ITGAE: variants seen among roughly 807,000 people sequenced by gnomAD.
ITGAE encodes the protein integrin alpha-E.
A neutral mutation model predicts 136.5 loss-of-function variants in ITGAE; 99 were observed. The ratio of observed to expected loss-of-function variants is 0.73; its 90% CI spans 0.62 to 0.86. The LOEUF is 0.86. Ranked by LOEUF, ITGAE falls within the 40% of genes least tolerant of loss-of-function variation. ITGAE has a pLI of 0.00. For synonymous variants in ITGAE, 613 were observed against 591.8 expected (o/e 1.04, Z -0.52); for missense variants, 1,447 against 1,515.3 (o/e 0.95, Z 0.75).
At position 3,734,937 on chromosome 17, in the gene ITGAE, C is replaced by G. The variant is rs1395882264; in HGVS notation, c.2535G>C (p.Val845=). 2 of 1,614,166 alleles carry G rather than the reference C, an allele frequency of 1.2e-6. No individual in the cohort carries two copies. Among genetic ancestry groups the G allele is most frequent in the Non-Finnish European group, 1.7e-6 (2 of 1,180,018 alleles). The change falls in exon 21 of 31, where the codon GTG becomes GTC. Residue 845 remains valine (V), a synonymous_variant. Transcript: ENST00000263087. ...GGGTCAGCTCCTTTGTGAGACCCAC[C>G]ACCAACTCCTGCCTGCACAGGGTAC... ...LATTVSQQEL[V]VGLTKELTLN... is the part of the protein sequence containing the mutation.
intron 1 of ITGAE, among the ~76,000 whole-genome samples, chr17:3,781,837 T>A (rs1056686569): frequency 2.6e-5 from 4 of 152,150 alleles, no homozygotes; most frequent in Non-Finnish European, 5.9e-5. Context: ...AGAATTCACA[T>A]GCACATTTGG....
At chr17:3,800,722 C>A in intron 1 of ITGAE, among the ~76,000 whole-genome samples, 1 of 152,196 alleles carries the variant, frequency 6.6e-6, no homozygotes, top group Non-Finnish European at 1.5e-5. Flanking sequence ...CCAACCCCTG[C>A]TCTGTAACAG....
intron 9 of ITGAE, 93 bp from the exon 10 acceptor site, chr17:3,757,227 C>T: frequency 2.1e-6 from 3 of 1,397,206 alleles, no homozygotes; most frequent in Non-Finnish European, 3.0e-6. Context: ...CTCTGGGGCC[C>T]TCCATTACCT....
chr17:3,728,983 C>T (rs958484074), intron 24 of ITGAE, among the ~76,000 whole-genome samples: 6 of 151,278 alleles, frequency 4.0e-5, no homozygotes, highest in Non-Finnish European at 8.8e-5. Context: ...TTGCAGTGAG[C>T]CGAGATGGCA....
At chr17:3,779,166 G>A (rs1027209958) in intron 1 of ITGAE, among the ~76,000 whole-genome samples, 4 of 152,132 alleles carry the variant, frequency 2.6e-5, no homozygotes, top group Admixed American at 2.6e-4. Context: ...TTACCAAGGT[G>A]TGCATGTGTC....
intron 16 of ITGAE, among the ~76,000 whole-genome samples, chr17:3,748,986 G>A (rs2051791211): frequency 6.6e-6 from 1 of 152,188 alleles, no homozygotes; most frequent in Non-Finnish European, 1.5e-5. Context: ...GGCTGCTGCT[G>A]TGTGGAGAAT....
chr17:3,747,854 G>T, intron 17 of ITGAE, 68 bp downstream of exon 17: 4 of 1,099,916 alleles, frequency 3.6e-6, no homozygotes, highest in African/African-American at 1.8e-5. Context: ...CTCTTTCCCT[G>T]CCCCTTACAG....
rs2143554927 is a variant in ITGAE at position 3,798,110 on chromosome 17, G to A, written c.34+3001C>T. On this transcript the variant is annotated intron_variant, in intron 1 of 30. Transcript: ENST00000263087. The surrounding 1 kb of genome is among the most constrained non-coding windows in gnomAD (Gnocchi z 4.3). ...TCCCAGAGAAGGGCAGGGATGTGGG[G>A]CTCCCACACGGCCCACACTCCCCCA... Among the ~76,000 whole-genome samples the A allele has an allele frequency of 6.6e-6, 1 of 152,230 alleles. No individual in the cohort carries two copies. Among genetic ancestry groups the A allele is most frequent in the Admixed American group, 6.5e-5 (1 of 15,298 alleles).
chr17:3,793,373 G>C (rs1032018149), intron 1 of ITGAE, among the ~76,000 whole-genome samples: 5 of 151,616 alleles, frequency 3.3e-5, no homozygotes, highest in African/African-American at 9.7e-5. Flanking sequence ...TTTTGAGTTG[G>C]AGTCTCACTC....
intron 1 of ITGAE, among the ~76,000 whole-genome samples, chr17:3,779,002 T>C (rs1489389930): frequency 6.6e-6 from 1 of 152,064 alleles, no homozygotes; most frequent in Non-Finnish European, 1.5e-5. Flanking sequence ...AAAAATCATA[T>C]TGTATAACTC....
intron 26 of ITGAE, 25 bp from the exon 27 acceptor site, chr17:3,723,769 C>CG: frequency 6.2e-7 from 1 of 1,604,178 alleles, no homozygotes; most frequent in Non-Finnish European, 8.5e-7. Context: ...ATGACCGCGA[C>CG]GCGCTGAACA....
At chr17:3,729,882 A>AC (rs1170783010) in intron 23 of ITGAE, among the ~76,000 whole-genome samples, 26 of 152,298 alleles carry the variant, frequency 1.7e-4, no homozygotes, top group African/African-American at 6.0e-4. Context: ...GGCGTGAGCC[A>AC]CTGCGCCTGG....
At chr17:3,794,986 G>A (rs554192590) in intron 1 of ITGAE, among the ~76,000 whole-genome samples, 15 of 152,208 alleles carry the variant, frequency 9.9e-5, no homozygotes, top group Middle Eastern at 3.4e-3. Flanking sequence ...TCGACACAGC[G>A]GCTCCCTCCA....
Position 3,743,535 on chromosome 17 carries a change from G to A in ITGAE, c.2402C>T (p.Pro801Leu). ...LQTPEGQTDHPQPILDRYTEP... is the reference protein window; with the variant it reads ...LQTPEGQTDHLQPILDRYTEP... ...AGTGTAGCGGTCCAGGATGGGCTGG[G>A]GATGGTCCGTCTGTCCCTCAGGGGT... The change falls in exon 19 of 31, where the codon CCC becomes CTC. Residue 801 changes from proline to leucine, a missense_variant. Pro to Leu is a moderately conservative substitution (Grantham distance 98). This residue lies in a region of ITGAE where 1,031 missense variants were observed against 1,011.4 expected (regional missense o/e 1.02). Transcript: ENST00000263087. 6.2e-7 allele frequency: 1 copy of A among 1,611,822 alleles called. No individual in the cohort carries two copies.
At chr17:3,724,041 C>T in intron 26 of ITGAE, 1 of 1,595,756 alleles carries the variant, frequency 6.3e-7, no homozygotes, top group Non-Finnish European at 8.5e-7. Context: ...GCAGTGGTTC[C>T]CGCCGCAGGA....
intron 26 of ITGAE, chr17:3,724,279 G>A (rs768377154): frequency 6.3e-7 from 1 of 1,588,150 alleles, no homozygotes. Context: ...ACCCCAAGAC[G>A]CCTGGGGCTG....
chr17:3,744,446 C>CT (rs34809324), intron 18 of ITGAE, among the ~76,000 whole-genome samples: 182 of 128,260 alleles, frequency 1.4e-3, no homozygotes, highest in East Asian at 2.4e-3. Flanking sequence ...AGTTCTTTCT[C>CT]TTTTTTTTTT....
At chr17:3,723,645 G>A in intron 27 of ITGAE, 43 bp downstream of exon 27, 5 of 1,527,732 alleles carry the variant, frequency 3.3e-6, no homozygotes, top group Non-Finnish European at 3.5e-6. Context: ...ACCCGCTTCA[G>A]GCCCTCCGCC....
At chr17:3,724,130 TCCCGACGAC>T (rs2051143146) in intron 26 of ITGAE, 1 of 1,594,696 alleles carries the variant, frequency 6.3e-7, no homozygotes, top group East Asian at 2.2e-5. Context: ...ATCCTGACGA[TCCCGACGAC>T]CCCGACTTCC....
Sources: allele counts gnomAD v4.1 joint callset (sites outside exome capture counted in the v4.1 genomes callset), GRCh38; gene constraint gnomAD v4.1.1; regional missense constraint gnomAD v4.1.1; non-coding constraint Gnocchi (gnomAD v3.1); transcripts MANE v1.5; gene names NCBI Gene and HGNC (gene_info 2026-07-23, HGNC 2026-07-21).